The following KMT2A variants were observed in gnomAD, a reference collection of about 807,000 sequenced individuals.
KMT2A encodes lysine methyltransferase 2A.
A neutral mutation model predicts 345.3 loss-of-function variants in KMT2A; 16 were observed. The observed-to-expected ratio is 0.05, with a 90% CI of 0.03 to 0.07. The LOEUF (loss-of-function observed/expected upper bound fraction) is 0.07. Among genes scored for constraint, KMT2A ranks in the 10% least tolerant of loss-of-function variants. KMT2A has a pLI of 1.00. For synonymous variants in KMT2A, 1,599 were observed against 1,778.6 expected, an observed-to-expected ratio of 0.90 and a Z score of 2.54; for missense variants, 3,272 against 4,841.6, an observed-to-expected ratio of 0.68 and a Z score of 9.62.
rs139123379 is a variant in KMT2A at position 118,491,306 on chromosome 11, T to C, written c.4807T>C (p.Ser1603Pro). 7 of 1,613,734 alleles carry C rather than the reference T, an allele frequency of 4.3e-6. No individual in the cohort carries two copies. Among genetic ancestry groups the C allele is most frequent in the African/African-American group, 1.3e-5 (1 of 74,922 alleles). ...GGTCCATTCCAAATGTGAGAATCTT[T>C]CAGGTACAGAAGGTTGGAGTCTTTT... ...RWVHSKCENL[S>P]GTEDEMYEIL... The change falls in exon 14 of 36, where the codon TCA becomes CCA. Residue 1603 changes from serine to proline, a missense_variant. Physicochemically the swap from Ser to Pro is moderately conservative, Grantham distance 74. Transcript: ENST00000534358. This position sits in a 1 kb window ranked among gnomAD's most constrained non-coding sequence, Gnocchi z 4.2.
Position 118,436,781 on chromosome 11 carries a change from C to T in KMT2A, c.269C>T (p.Ser90Leu), listed in dbSNP as rs1555138708. The change falls in exon 1 of 36, where the codon TCG (serine) becomes TTG (leucine). Residue 90 changes from serine to leucine, a missense_variant. Coordinates refer to ENST00000534358, the MANE Select transcript of KMT2A (RefSeq NM_001197104.2). The surrounding 1 kb of genome is among the most constrained non-coding windows in gnomAD (Gnocchi z 6.9). ...TCAGCAGCCTCCTCGTCGTCCGCCTCGTCTTCGTCTTCGTCATCGTCCTCA... is the reference window on the plus strand; with the variant it reads ...TCAGCAGCCTCCTCGTCGTCCGCCTTGTCTTCGTCTTCGTCATCGTCCTCA... ...AASAASSSSA[S>L]SSSSSSSSAS... 8.7e-6 allele frequency: 14 copies of T among 1,604,786 alleles called. No individual in the cohort carries two copies. Among genetic ancestry groups the T allele is most frequent in the East Asian group, 2.3e-5 (1 of 44,184 alleles).
Position 118,520,169 on chromosome 11 carries a change from A to T in KMT2A, c.11429+105A>T, listed in dbSNP as rs1950927119. 1.7e-5 allele frequency: 13 copies of T among 749,846 alleles called. No individual in the cohort carries two copies. The highest frequency in any genetic ancestry group is 4.4e-6 in the Non-Finnish European group (2 of 451,814). The allele number at this position is 749,846 out of a possible 1,614,324, so 46.4% of individuals were successfully genotyped here. The stretch of plus-strand genomic sequence containing the variant: ...TTTGCATCAGAATTTCCTGGATAAG[A>T]TTTAAAAGGACTGAAAACCATTTGT... On this transcript the variant is annotated intron_variant, in intron 33 of 35. Coordinates refer to ENST00000534358, the MANE Select transcript of KMT2A (RefSeq NM_001197104.2). The surrounding 1 kb of genome is among the most constrained non-coding windows in gnomAD (Gnocchi z 4.3).
chr11:118,450,024 A>T lies in KMT2A; in HGVS notation c.432+13080A>T, dbSNP rs541395847. 6 of 152,348 alleles carry T rather than the reference A, an allele frequency of 3.9e-5. No individual in the cohort carries two copies. The South Asian group carries it at 8.3e-4, about 21-fold the overall frequency. 9.4% of individuals were successfully genotyped at this position (152,348 alleles called of 1,614,324 possible). ...GGTGTTTGTTTAATTTTTCTAGCCTATTCAAATCAATCTGGTCATTTATGG... is the reference window on the plus strand; with the variant it reads ...GGTGTTTGTTTAATTTTTCTAGCCTTTTCAAATCAATCTGGTCATTTATGG... On this transcript the variant is annotated intron_variant, in intron 1 of 35. Coordinates refer to ENST00000534358, the MANE Select transcript of KMT2A (RefSeq NM_001197104.2).
At chr11:118,450,112 G>C (rs782152021) in intron 1 of KMT2A, 2 of 152,118 alleles carry the variant, frequency 1.3e-5, no homozygotes, top group Non-Finnish European at 2.9e-5. Flanking sequence ...TTTCTACAGT[G>C]AATCAGTTAA....
rs1555037607 is a variant in KMT2A at position 118,476,793 on chromosome 11, C to T, written c.3157-12C>T. The T allele has an allele frequency of 1.3e-6, 2 of 1,592,660 alleles. No individual in the cohort carries two copies. On this transcript the variant is annotated splice_polypyrimidine_tract_variant and intron_variant, in intron 3 of 35. Transcript: ENST00000534358. The surrounding 1 kb of genome is among the most constrained non-coding windows in gnomAD (Gnocchi z 4.1). ...TATGGTTGTTATTGTTTTTGGATTG[C>T]CTCATATTCAGGGTCAAGAAAGTGA...
Position 118,491,742 on chromosome 11 carries a change from A to T in KMT2A, c.4820-2A>T. The T allele has an allele frequency of 6.3e-7, 1 of 1,588,198 alleles. No individual in the cohort carries two copies. The highest frequency in any genetic ancestry group is 8.6e-7 in the Non-Finnish European group (1 of 1,167,530). On this transcript the variant is annotated splice_acceptor_variant, in intron 14 of 35. Coordinates refer to ENST00000534358, the MANE Select transcript of KMT2A (RefSeq NM_001197104.2). LOFTEE classifies it high-confidence loss of function. This position sits in a 1 kb window ranked among gnomAD's most constrained non-coding sequence, Gnocchi z 4.2. Reference sequence around the variant, plus strand: ...CATCATGGTAGGTTTTTGTTTTCTTAGATGAGATGTATGAGATTCTATCTA... The same window carrying T: ...CATCATGGTAGGTTTTTGTTTTCTTTGATGAGATGTATGAGATTCTATCTA...
intron 11 of KMT2A, 51 bp downstream of exon 11, chr11:118,488,811 C>T: frequency 6.4e-7 from 1 of 1,574,452 alleles, no homozygotes; most frequent in Non-Finnish European, 8.7e-7. Context: ...TCAGTGGGTT[C>T]TGTATCCCTG....
Position 118,497,888 on chromosome 11 carries a change from CT to C in KMT2A, c.5665-45del, listed in dbSNP as rs1218464058. On this transcript the variant is annotated intron_variant, in intron 20 of 35. Coordinates refer to ENST00000534358, the MANE Select transcript of KMT2A (RefSeq NM_001197104.2). The surrounding 1 kb of genome is among the most constrained non-coding windows in gnomAD (Gnocchi z 4.8). ...AAAAGCTAATGCCGAGGAAAACCTC[CT>C]TTGGCATTATATTCTTTAGGAAAAA... is the stretch of plus-strand genomic sequence containing the variant. 35 of 1,506,246 alleles carry C rather than the reference CT, an allele frequency of 2.3e-5. No homozygotes were observed. Among genetic ancestry groups the C allele is most frequent in the Non-Finnish European group, 3.0e-5 (33 of 1,088,244 alleles). 93.3% of individuals were successfully genotyped at this position (1,506,246 alleles called of 1,614,324 possible). A position where few individuals can be genotyped will look rare whatever the true frequency, so the allele number is the denominator to read the frequency against.
At position 118,490,551 on chromosome 11, in the gene KMT2A, A is replaced by G. The variant is rs1364340689; in HGVS notation, c.4696+302A>G. Among the ~76,000 whole-genome samples, 1 of 152,098 alleles carries G rather than the reference A, an allele frequency of 6.6e-6. No individual in the cohort carries two copies. The highest frequency in any genetic ancestry group is 1.5e-5 in the Non-Finnish European group (1 of 68,032). On this transcript the variant is annotated intron_variant, in intron 13 of 35. Transcript: ENST00000534358. This position sits in a 1 kb window ranked among gnomAD's most constrained non-coding sequence, Gnocchi z 4.2. Reference sequence around the variant, plus strand: ...TATTTCAGACATTATTTTAGTTGCTACCCAAACATTTTCTTTCAGTAGTTA... The same window carrying G: ...TATTTCAGACATTATTTTAGTTGCTGCCCAAACATTTTCTTTCAGTAGTTA...
rs1950493368 is a variant in KMT2A at position 118,501,121 on chromosome 11, T to C, written c.6293T>C (p.Ile2098Thr). 6.2e-7 allele frequency: 1 copy of C among 1,613,994 alleles called. No homozygotes were observed. Among genetic ancestry groups the C allele is most frequent in the Non-Finnish European group, 8.5e-7 (1 of 1,179,958 alleles). ...STVEHDENRT[I>T]AHSPTSFTES... Reference sequence around the variant, plus strand: ...GTTGAACATGATGAAAACAGGACCATTGCCCATAGTCCAACATCTTTTACA... The same window carrying C: ...GTTGAACATGATGAAAACAGGACCACTGCCCATAGTCCAACATCTTTTACA... The change falls in exon 25 of 36, where the codon ATT becomes ACT. Residue 2098 changes from isoleucine (I) to threonine (T), a missense_variant. This residue lies in a region of KMT2A where 66 missense variants were observed against 73.9 expected (regional missense o/e 0.89). Coordinates refer to ENST00000534358, the MANE Select transcript of KMT2A (RefSeq NM_001197104.2).
Position 118,525,547 on chromosome 11 carries a change from G to C in KMT2A, c.*3375G>C, listed in dbSNP as rs1166576693. ...CCAGCCCGCCACCCTGCTCGCCTCC[G>C]TCAAACCCCCGGCCAATGCAGTGAG... On this transcript the variant is annotated 3_prime_UTR_variant, in exon 36 of 36. Transcript: ENST00000534358. 9.0e-6 allele frequency: 2 copies of C among 221,014 alleles called. No homozygotes were observed. Among genetic ancestry groups the C allele is most frequent in the Non-Finnish European group, 1.8e-5 (2 of 111,292 alleles). 13.7% of individuals were successfully genotyped at this position (221,014 alleles called of 1,614,324 possible). A position where few individuals can be genotyped will look rare whatever the true frequency, so the allele number is the denominator to read the frequency against.
Position 118,490,404 on chromosome 11 carries a change from A to G in KMT2A, c.4696+155A>G, listed in dbSNP as rs1950306517. ...CTAAGTTCCTGTTTAGAACTTAGCA[A>G]CTAGAAATGTCTTGTTAGTTTATAC... On this transcript the variant is annotated intron_variant, in intron 13 of 35. Transcript: ENST00000534358. The surrounding 1 kb of genome is among the most constrained non-coding windows in gnomAD (Gnocchi z 4.2). Among the ~76,000 whole-genome samples, 1 of 152,210 alleles carries G rather than the reference A, an allele frequency of 6.6e-6. No homozygotes were observed. Among genetic ancestry groups the G allele is most frequent in the South Asian group, 2.1e-4 (1 of 4,824 alleles).
intron 30 of KMT2A, among the ~76,000 whole-genome samples, chr11:118,511,127 C>G (rs1323872945): frequency 6.6e-6 from 1 of 152,144 alleles, no homozygotes; most frequent in Non-Finnish European, 1.5e-5. Context: ...TTTCAGGAAA[C>G]ATAATGTGAT....
rs782183780 is a variant in KMT2A, at chr11:118,504,103, A to C, written c.8211A>C (p.Thr2737=). Residue 2737 remains threonine, a synonymous_variant, in exon 27 of 36, where the codon ACA becomes ACC. Coordinates refer to ENST00000534358, the MANE Select transcript of KMT2A (RefSeq NM_001197104.2). This position sits in a 1 kb window ranked among gnomAD's most constrained non-coding sequence, Gnocchi z 6.4. ...TESDTSVTAT[T]RKSSQIPKRN... ...GTGATACTAGTGTCACAGCCACAAC[A>C]AGGAAAAGCAGCCAGATTCCAAAAA... The C allele has an allele frequency of 6.2e-7, 1 of 1,614,214 alleles. No individual in the cohort carries two copies. The highest frequency in any genetic ancestry group is 1.1e-5 in the South Asian group (1 of 91,084).
chr11:118,443,332 ATGATGAG>A (rs1555026368), intron 1 of KMT2A, among the ~76,000 whole-genome samples: 1 of 152,212 alleles, frequency 6.6e-6, no homozygotes, highest in Non-Finnish European at 1.5e-5. Context: ...TGTTTTTAAA[ATGATGAG>A]CCGCTTTTCT....
At chr11:118,457,640 T>C (rs1235861656) in intron 1 of KMT2A, among the ~76,000 whole-genome samples, 1 of 151,864 alleles carries the variant, frequency 6.6e-6, no homozygotes, top group Non-Finnish European at 1.5e-5. Context: ...TCCAGAACTA[T>C]TTTTAATTTC....
At chr11:118,481,007 T>C (rs1385496469) in intron 6 of KMT2A, among the ~76,000 whole-genome samples, 1 of 152,168 alleles carries the variant, frequency 6.6e-6, no homozygotes, top group South Asian at 2.1e-4. Flanking sequence ...ATGAGATATG[T>C]TGATACAGGC....
At chr11:118,516,841 G>GC (rs1950826176) in intron 31 of KMT2A, among the ~76,000 whole-genome samples, 1 of 152,094 alleles carries the variant, frequency 6.6e-6, no homozygotes, top group African/African-American at 2.4e-5. Flanking sequence ...GCCTTCCTCT[G>GC]CTGTGAGCTC....
At chr11:118,464,194 C>G (rs1949798380) in intron 1 of KMT2A, among the ~76,000 whole-genome samples, 1 of 152,180 alleles carries the variant, frequency 6.6e-6, no homozygotes, top group Non-Finnish European at 1.5e-5. Flanking sequence ...AAATAATAGC[C>G]AACACCATAG....
Sources: gnomAD v4.1 joint callset for allele counts (sites outside exome capture counted in the v4.1 genomes callset) on GRCh38, gnomAD v4.1.1 for gene constraint, gnomAD v4.1.1 regional missense constraint, Gnocchi (gnomAD v3.1) non-coding constraint, MANE v1.5 for transcripts, NCBI Gene and HGNC (gene_info 2026-07-23, HGNC 2026-07-21) for gene names.